Variants in ATRNL1 observed in about 807,000 individuals in gnomAD.
ATRNL1 encodes attractin-like protein 1.
A neutral mutation model predicts 182.7 loss-of-function variants in ATRNL1; 95 were observed. The ratio of observed to expected loss-of-function variants is 0.52; its 90% CI spans 0.44 to 0.62. The LOEUF (loss-of-function observed/expected upper bound fraction) is 0.62, where lower values mean the gene tolerates loss of function less well. ATRNL1 is among the 20% of genes least tolerant of loss of function. The pLI, the probability that ATRNL1 is intolerant of heterozygous loss-of-function variation, is 0.00. For missense variants in ATRNL1, 1,471 were observed against 1,679.5 expected (o/e 0.88, Z 2.17); for synonymous variants, 576 against 568.3 (o/e 1.01, Z -0.19).
chr10:115,857,677 A>C (rs1218172108), intron 28 of ATRNL1, among the ~76,000 whole-genome samples: 7 of 152,238 alleles, frequency 4.6e-5, no homozygotes, highest in African/African-American at 7.2e-5. Context: ...ATTAATATGT[A>C]AAGGAAACAA....
At chr10:115,685,497 G>A (rs2133959901) in intron 26 of ATRNL1, among the ~76,000 whole-genome samples, 1 of 151,940 alleles carries the variant, frequency 6.6e-6, no homozygotes, top group East Asian at 1.9e-4. Flanking sequence ...TAAAGCTACT[G>A]TCATCATCAC....
intron 27 of ATRNL1, among the ~76,000 whole-genome samples, chr10:115,778,716 A>G (rs1283947182): frequency 6.6e-6 from 1 of 152,194 alleles, no homozygotes; most frequent in Admixed American, 6.5e-5. Flanking sequence ...GGAAGACATT[A>G]AAGAATTATG....
intron 27 of ATRNL1, among the ~76,000 whole-genome samples, chr10:115,793,399 G>A (rs1400171956): frequency 6.6e-6 from 1 of 152,022 alleles, no homozygotes; most frequent in Non-Finnish European, 1.5e-5. Context: ...ATATGCTGAT[G>A]ATTATTATCT....
chr10:115,372,780 T>C (rs1440754546), intron 19 of ATRNL1, among the ~76,000 whole-genome samples: 2 of 152,176 alleles, frequency 1.3e-5, no homozygotes, highest in African/African-American at 4.8e-5. Context: ...TATGGCTTTG[T>C]AGTTTATTTT....
At chr10:115,581,439 C>G (rs896473131) in intron 26 of ATRNL1, among the ~76,000 whole-genome samples, 1 of 152,048 alleles carries the variant, frequency 6.6e-6, no homozygotes, top group African/African-American at 2.4e-5. Flanking sequence ...GTGGGAAATT[C>G]CTGCACTCTC....
At chr10:115,716,989 G>A (rs1947271041) in intron 26 of ATRNL1, among the ~76,000 whole-genome samples, 1 of 152,098 alleles carries the variant, frequency 6.6e-6, no homozygotes, top group Admixed American at 6.5e-5. Context: ...TGCTCTTTGA[G>A]GAGTAATATG....
At chr10:115,686,038 A>G (rs1946207071) in intron 26 of ATRNL1, among the ~76,000 whole-genome samples, 2 of 151,760 alleles carry the variant, frequency 1.3e-5, no homozygotes, top group African/African-American at 2.4e-5. Context: ...CTTTATTTAT[A>G]GAAGTTTAGG....
At chr10:115,139,340 G>C (rs1438598646) in intron 5 of ATRNL1, among the ~76,000 whole-genome samples, 1 of 152,110 alleles carries the variant, frequency 6.6e-6, no homozygotes, top group African/African-American at 2.4e-5. Flanking sequence ...CCAATTTACT[G>C]TATTAGTCTG....
chr10:115,499,288 G>C (rs1215669867), intron 24 of ATRNL1, among the ~76,000 whole-genome samples: 3 of 152,180 alleles, frequency 2.0e-5, no homozygotes, highest in Admixed American at 1.3e-4. Context: ...TTTTAATGTA[G>C]ATATAAAATT....
chr10:115,893,117 G>C (rs1555111672), intron 28 of ATRNL1, among the ~76,000 whole-genome samples: 1 of 152,094 alleles, frequency 6.6e-6, no homozygotes, highest in Non-Finnish European at 1.5e-5. Flanking sequence ...GGCATCTCAG[G>C]AACCACTGCT....
At chr10:115,265,373 T>G (rs1486611181) in intron 11 of ATRNL1, 96 bp downstream of exon 11, 1 of 726,416 alleles carries the variant, frequency 1.4e-6, no homozygotes, top group Non-Finnish European at 2.3e-6. Flanking sequence ...TCATTGGTAC[T>G]TAATGGTATT....
intron 26 of ATRNL1, among the ~76,000 whole-genome samples, chr10:115,589,645 A>T (rs1411801664): frequency 6.6e-6 from 1 of 152,182 alleles, no homozygotes; most frequent in African/African-American, 2.4e-5. Context: ...ATCATGATAC[A>T]TACTTATGTC....
intron 1 of ATRNL1, among the ~76,000 whole-genome samples, chr10:115,111,337 G>T (rs1337235052): frequency 6.6e-6 from 1 of 152,228 alleles, no homozygotes; most frequent in African/African-American, 2.4e-5. Context: ...AGCTGATGTT[G>T]TAGTCCATTT....
chr10:115,214,867 C>T (rs868927267), intron 8 of ATRNL1, among the ~76,000 whole-genome samples: 10 of 151,926 alleles, frequency 6.6e-5, no homozygotes, highest in African/African-American at 1.2e-4. Context: ...ATTTTAATAT[C>T]GGAAATTAGT....
At chr10:115,109,252 G>C (rs1844157117) in intron 1 of ATRNL1, among the ~76,000 whole-genome samples, 1 of 151,944 alleles carries the variant, frequency 6.6e-6, no homozygotes, top group African/African-American at 2.4e-5. Flanking sequence ...AGTGTTCTAT[G>C]CTTCAATACC....
chr10:115,786,941 A>G (rs1949411286), intron 27 of ATRNL1, among the ~76,000 whole-genome samples: 1 of 152,222 alleles, frequency 6.6e-6, no homozygotes, highest in African/African-American at 2.4e-5. Flanking sequence ...CAGAAACAGT[A>G]AAACATTGTT....
At chr10:115,362,020 C>T (rs559562198) in intron 19 of ATRNL1, among the ~76,000 whole-genome samples, 1 of 152,044 alleles carries the variant, frequency 6.6e-6, no homozygotes, top group East Asian at 1.9e-4. Context: ...TGCCTAATAT[C>T]CTAAATAAAC....
intron 27 of ATRNL1, among the ~76,000 whole-genome samples, chr10:115,754,155 C>G (rs1593171476): frequency 6.6e-6 from 1 of 152,062 alleles, no homozygotes; most frequent in African/African-American, 2.4e-5. Context: ...TTCTTTTGCT[C>G]TGCAGAAGCT....
intron 18 of ATRNL1, among the ~76,000 whole-genome samples, chr10:115,328,840 C>G (rs11197165): frequency 1.1e-4 from 17 of 151,882 alleles, no homozygotes; most frequent in African/African-American, 3.9e-4. Flanking sequence ...TGTTTATTCA[C>G]ACTTTCTTTA....
Sources: gnomAD v4.1 joint callset for allele counts (sites outside exome capture counted in the v4.1 genomes callset) on GRCh38, gnomAD v4.1.1 for gene constraint, MANE v1.5 for transcripts, NCBI Gene and HGNC (gene_info 2026-07-23, HGNC 2026-07-21) for gene names.